The following BEST1 variants were observed in gnomAD, a reference collection of about 807,000 sequenced individuals.
The protein encoded by BEST1 is bestrophin 1, also known as bestrophin-1.
Under a neutral mutation model 63.3 loss-of-function variants are expected in BEST1, and 58 were observed. The observed-to-expected ratio is 0.92, with a 90% confidence interval of 0.74 to 1.14. The LOEUF is 1.14. BEST1 is among the 50% of genes most tolerant of loss of function. BEST1 has a pLI of 0.00. For synonymous variants in BEST1, 283 were observed against 291.6 expected, an observed-to-expected ratio of 0.97 and a Z score of 0.30; for missense variants, 671 against 740.1, an observed-to-expected ratio of 0.91 and a Z score of 1.08.
chr11:61,951,734 T>A, intron 1 of BEST1, 37 bp from the exon 2 acceptor site: 1 of 1,591,652 alleles, frequency 6.3e-7, no homozygotes, highest in Non-Finnish European at 8.5e-7. Context: ...GGGCCTCTGA[T>A]CCCTACAAAC....
At chr11:61,957,118 G>T (rs1005976439) in intron 5 of BEST1, 120 bp downstream of exon 5, 4 of 1,450,182 alleles carry the variant, frequency 2.8e-6, no homozygotes, top group Non-Finnish European at 3.8e-6. Context: ...GCCTGAGGTG[G>T]GGTTGCAGAA....
In BEST1 at chr11:61,963,073, G is replaced by T. The variant is rs1156506183; in HGVS notation, c.1739+180G>T. 2.7e-6 allele frequency: 4 copies of T among 1,487,068 alleles called. No individual in the cohort carries two copies. In the African/African-American group the frequency reaches 5.6e-5, roughly 21 times the overall value. 92.1% of individuals were successfully genotyped at this position (1,487,068 alleles called of 1,614,324 possible). A position where few individuals can be genotyped will look rare whatever the true frequency, so the allele number is the denominator to read the frequency against. ...TTGGCCACCTTCACAGGGATCCTAG[G>T]GAAGTGTTCGGGACCTTTTCTCACT... On this transcript the variant is annotated intron_variant, in intron 10 of 10. Coordinates refer to ENST00000378043, the MANE Select transcript of BEST1 (RefSeq NM_004183.4).
chr11:61,959,997 G>A lies in BEST1; in HGVS notation c.1054G>A (p.Ala352Thr), dbSNP rs147409760. The A allele has an allele frequency of 1.8e-4, 288 of 1,611,782 alleles. 4 individuals carry two copies. Among genetic ancestry groups the A allele is most frequent in the East Asian group, 3.8e-4 (17 of 44,818 alleles). ...EPQPPYTAASAQFRRASFMGS... is the reference protein window; with the variant it reads ...EPQPPYTAASTQFRRASFMGS... ...ACAGCCCCCCTACACAGCTGCTTCCGCCCAGTTCCGTCGAGCCTCCTTTAT... is the reference window on the plus strand; with the variant it reads ...ACAGCCCCCCTACACAGCTGCTTCCACCCAGTTCCGTCGAGCCTCCTTTAT... The change falls in exon 9 of 11, where the codon GCC (alanine) becomes ACC (threonine). Residue 352 changes from alanine to threonine, a missense_variant. Transcript: ENST00000378043.
Position 61,962,655 on chromosome 11 carries a change from A to G in BEST1, c.1501A>G (p.Ser501Gly). The change falls in exon 10 of 11, where the codon AGC (serine) becomes GGC (glycine). Residue 501 changes from serine to glycine, a missense_variant. Coordinates refer to ENST00000378043, the MANE Select transcript of BEST1 (RefSeq NM_004183.4). The stretch of plus-strand genomic sequence containing the variant: ...CACAGGCATAGACACCAAAGACAAA[A>G]GCTTAAAGACTGTGAGTTCTGGGGC... ...SVTGIDTKDK[S>G]LKTVSSGAKK... is the part of the protein sequence containing the mutation. The G allele has an allele frequency of 6.2e-7, 1 of 1,614,198 alleles. No homozygotes were observed. The highest frequency in any genetic ancestry group is 8.5e-7 in the Non-Finnish European group (1 of 1,180,038).
At position 61,958,219 on chromosome 11, in the gene BEST1, C is replaced by T; in HGVS notation, c.788C>T (p.Ala263Val). ...CGGCAGTTTCTGAACCCAGCCAAGG[C>T]CTACCCTGGCCATGAGCTGGACCTC... The part of the protein sequence containing the change: ...VGRQFLNPAK[A>V]YPGHELDLVV... The change falls in exon 7 of 11, where the codon GCC becomes GTC. Residue 263 changes from alanine (A) to valine (V), a missense_variant. By Grantham distance (64) the Ala-to-Val change is moderately conservative (BLOSUM62 0). Coordinates refer to ENST00000378043, the MANE Select transcript of BEST1 (RefSeq NM_004183.4). 6.2e-7 allele frequency: 1 copy of T among 1,614,226 alleles called. No individual in the cohort carries two copies. The highest frequency in any genetic ancestry group is 1.7e-5 in the Admixed American group (1 of 60,032).
At chr11:61,964,557 A>G, downstream of BEST1, 3 of 782,494 alleles carry the variant, frequency 3.8e-6, no homozygotes, top group Non-Finnish European at 6.2e-6. Flanking sequence ...GACCTCAAAG[A>G]CAACACCTGG....
In BEST1 at chr11:61,958,359, C is replaced by G. The variant is rs774778674; in HGVS notation, c.867+61C>G. ...TGGCCAGAGGGGTCATGGCCAGCAG[C>G]TGCCTGAGACGAGGATGCAGTGTCA... On this transcript the variant is annotated intron_variant, in intron 7 of 10. Transcript: ENST00000378043. 3.1e-6 allele frequency: 5 copies of G among 1,612,658 alleles called. No individual in the cohort carries two copies. Among genetic ancestry groups the G allele is most frequent in the Non-Finnish European group, 4.2e-6 (5 of 1,179,628 alleles).
rs1221728254 is a variant in BEST1 at position 61,955,123 on chromosome 11, GAAC to G, written c.174_176del (p.Gln59del). On this transcript the variant is annotated inframe_deletion, in exon 3 of 11. Transcript: ENST00000378043. ...CACCCCCAGGCTGGCCCTCACGGAA[GAAC>G]AACAGCTGATGTTTGAGAAACTGAC... The G allele has an allele frequency of 6.2e-7, 1 of 1,607,202 alleles. No individual in the cohort carries two copies. Among genetic ancestry groups the G allele is most frequent in the Non-Finnish European group, 8.5e-7 (1 of 1,173,766 alleles).
intron 10 of BEST1, chr11:61,963,649 A>T (rs185022127): frequency 1.9e-6 from 2 of 1,051,778 alleles, no homozygotes; most frequent in Admixed American, 4.9e-5. Flanking sequence ...TTATGATTGA[A>T]AACTTAAAAG....
chr11:61,957,021 G>A, intron 5 of BEST1, 23 bp downstream of exon 5: 1 of 1,613,988 alleles, frequency 6.2e-7, no homozygotes, highest in Non-Finnish European at 8.5e-7. Context: ...TACAGACAGG[G>A]CTGCCGCAGA....
At position 61,955,700 on chromosome 11, in the gene BEST1, C is replaced by T. The variant is rs1269073504; in HGVS notation, c.248-18C>T. On this transcript the variant is annotated intron_variant, in intron 3 of 10. Coordinates refer to ENST00000378043, the MANE Select transcript of BEST1 (RefSeq NM_004183.4). ...CAGCCTGGCCCCTCGCCCCTCGCCC[C>T]CCGCCCCTCCTGCCCAGGCTTCTAC... 2.6e-6 allele frequency: 4 copies of T among 1,544,344 alleles called. No homozygotes were observed. In the African/African-American group the frequency reaches 4.1e-5, roughly 16 times the overall value.
At chr11:61,960,422 G>A (rs913917949) in intron 9 of BEST1, 2 of 293,508 alleles carry the variant, frequency 6.8e-6, no homozygotes, top group Admixed American at 9.3e-5. Context: ...CCAGGTTGGA[G>A]CGCAGTGGCG....
downstream of BEST1, chr11:61,965,356 A>C (rs1354353133): frequency 6.2e-7 from 1 of 1,610,984 alleles, no homozygotes; most frequent in South Asian, 1.1e-5. Context: ...CACCCCTAGG[A>C]TCTTTTGTTC....
Position 61,964,178 on chromosome 11 carries a change from G to A in BEST1, c.*56G>A, listed in dbSNP as rs1461336838. On this transcript the variant is annotated 3_prime_UTR_variant, in exon 11 of 11. Coordinates refer to ENST00000378043, the MANE Select transcript of BEST1 (RefSeq NM_004183.4). ...CAGGTCCTCACCTGTGTGTACACCA[G>A]CAGGACACTGATCCAGTCACAGCCA... 5 of 1,612,272 alleles carry A rather than the reference G, an allele frequency of 3.1e-6. No individual in the cohort carries two copies. In the African/African-American group the frequency reaches 5.3e-5, roughly 17 times the overall value.
chr11:61,957,581 T>G lies in BEST1; in HGVS notation c.714+117T>G, dbSNP rs1591292169. 5 of 976,818 alleles carry G rather than the reference T, an allele frequency of 5.1e-6. No homozygotes were observed. In the Admixed American group the frequency reaches 9.6e-5, roughly 19 times the overall value. 60.5% of individuals were successfully genotyped at this position (976,818 alleles called of 1,614,324 possible). On this transcript the variant is annotated intron_variant, in intron 6 of 10. Transcript: ENST00000378043. ...CTAAGTGGCTCCCCTGGGAGTTGGG[T>G]CCACACTTTGAAGTTGGGTCTGGAC...
chr11:61,965,209 T>C, downstream of BEST1: 11 of 1,591,420 alleles, frequency 6.9e-6, no homozygotes, highest in Non-Finnish European at 9.4e-6. Context: ...GGGACATTAC[T>C]ATTTGCCTAA....
Position 61,962,667 on chromosome 11 carries a change from G to C in BEST1, c.1513G>C (p.Val505Leu), listed in dbSNP as rs770903094. Reference protein sequence around the residue: ...IDTKDKSLKTVSSGAKKSFEL... With the variant: ...IDTKDKSLKTLSSGAKKSFEL... ...CACCAAAGACAAAAGCTTAAAGACT[G>C]TGAGTTCTGGGGCCAAGAAAAGTTT... The change falls in exon 10 of 11, where the codon GTG becomes CTG. Residue 505 changes from valine (V) to leucine (L), a missense_variant. Transcript: ENST00000378043. 8 of 1,614,006 alleles carry C rather than the reference G, an allele frequency of 5.0e-6. No homozygotes were observed. Among genetic ancestry groups the C allele is most frequent in the Middle Eastern group, 1.6e-4 (1 of 6,084 alleles).
chr11:61,963,276 G>T, intron 10 of BEST1: 1 of 1,370,422 alleles, frequency 7.3e-7, no homozygotes, highest in Non-Finnish European at 9.4e-7. Flanking sequence ...ACCATGAGGT[G>T]GCAGTCAGCT....
chr11:61,965,308 T>C (rs759806634), downstream of BEST1: 120 of 1,610,514 alleles, frequency 7.5e-5, no homozygotes, highest in Non-Finnish European at 9.5e-5. Context: ...GTTTAAGTGA[T>C]TTCTGATACC....
Sources: allele counts gnomAD v4.1 joint callset, GRCh38; gene constraint gnomAD v4.1.1; transcripts MANE v1.5; gene names NCBI Gene and HGNC (gene_info 2026-07-23, HGNC 2026-07-21).